OR4K1: variants seen among roughly 807,000 people sequenced by gnomAD.
OR4K1 encodes olfactory receptor family 4 subfamily K member 1, also known as olfactory receptor 4K1.
In OR4K1, 16 loss-of-function variants were observed where a neutral mutation model predicts 14.4. The observed-to-expected ratio is 1.11, with a 90% CI of 0.75 to 1.68. OR4K1 has a LOEUF of 1.68. OR4K1 is among the 40% of genes most tolerant of loss of function. OR4K1 has a pLI of 0.00. For synonymous variants in OR4K1, 181 were observed against 133.1 expected, an observed-to-expected ratio of 1.36 and a Z score of -2.48; for missense variants, 548 against 376.9, an observed-to-expected ratio of 1.45 and a Z score of -3.76.
rs768514431 is a variant in OR4K1 at position 19,935,836 on chromosome 14, C to T, written c.170C>T (p.Ser57Phe). ...VIISFDSHLN[S>F]PMYFLLSNLS... is the part of the protein sequence containing the mutation. Reference sequence around the variant, plus strand: ...ATTTCTTTTGACTCCCATTTGAACTCTCCTATGTACTTCTTGCTCAGTAAT... The same window carrying T: ...ATTTCTTTTGACTCCCATTTGAACTTTCCTATGTACTTCTTGCTCAGTAAT... The change falls in exon 2 of 2, where the codon TCT (serine) becomes TTT (phenylalanine). Residue 57 changes from serine to phenylalanine, a missense_variant. Physicochemically the swap from Ser to Phe is radical, Grantham distance 155. Transcript: ENST00000641172. The T allele has an allele frequency of 1.9e-6, 3 of 1,614,118 alleles. No homozygotes were observed. The African/African-American group carries it at 4.0e-5, about 22-fold the overall frequency.
chr14:19,936,090 G>A lies in OR4K1; in HGVS notation c.424G>A (p.Val142Ile), dbSNP rs1181921212. Reference sequence around the variant, plus strand: ...TACAATTATGAACCGGAGGCTCTGTGTAATTTTTGTGTCTATTTCCTGGGC... The same window carrying A: ...TACAATTATGAACCGGAGGCTCTGTATAATTTTTGTGTCTATTTCCTGGGC... ...YSTIMNRRLC[V>I]IFVSISWAVG... is the part of the protein sequence containing the mutation. The change falls in exon 2 of 2, where the codon GTA becomes ATA. Residue 142 changes from valine to isoleucine, a missense_variant. Physicochemically the swap from Val to Ile is conservative, Grantham distance 29 (BLOSUM62 3). Coordinates refer to ENST00000641172, the MANE Select transcript of OR4K1 (RefSeq NM_001004063.3). 2 of 1,614,122 alleles carry A rather than the reference G, an allele frequency of 1.2e-6. No individual in the cohort carries two copies. The highest frequency in any genetic ancestry group is 4.5e-5 in the East Asian group (2 of 44,904).
At chr14:19,932,359 G>T (rs1882204370) in intron 1 of OR4K1, among the ~76,000 whole-genome samples, 1 of 149,716 alleles carries the variant, frequency 6.7e-6, no homozygotes, top group Admixed American at 6.7e-5. Context: ...TCCTCCTCTT[G>T]CTCCTTCTCT....
chr14:19,935,551 T>G (rs1466816390), intron 1 of OR4K1, 97 bp from the exon 2 acceptor site: 1 of 969,862 alleles, frequency 1.0e-6, no homozygotes, highest in East Asian at 2.4e-5. Context: ...AAATTGACTA[T>G]TTCTTTTGTT....
upstream of OR4K1, among the ~76,000 whole-genome samples, chr14:19,930,412 A>C (rs1269086774): frequency 1.3e-5 from 2 of 152,242 alleles, no homozygotes; most frequent in Non-Finnish European, 1.5e-5. Context: ...TTGGGAAAGA[A>C]ATTTATATAG....
At chr14:19,927,969 T>C (rs1287775644), upstream of OR4K1, among the ~76,000 whole-genome samples, 4 of 152,214 alleles carry the variant, frequency 2.6e-5, no homozygotes, top group East Asian at 1.9e-4. Context: ...TAGAGACATA[T>C]CATGGATCCA....
chr14:19,934,426 C>A lies in OR4K1; in HGVS notation c.-19-1222C>A, dbSNP rs541945427. On this transcript the variant is annotated intron_variant, in intron 1 of 1. Transcript: ENST00000641172. ...GAGATTTTGACAAATTCAAGTTTGTCAGGTGTGTATAGAAAGATAAAACAC... is the reference window on the plus strand; with the variant it reads ...GAGATTTTGACAAATTCAAGTTTGTAAGGTGTGTATAGAAAGATAAAACAC... Among the ~76,000 whole-genome samples, 4 of 152,360 alleles carry A rather than the reference C, an allele frequency of 2.6e-5. No individual in the cohort carries two copies. In the East Asian group the frequency reaches 7.7e-4, roughly 29 times the overall value.
At chr14:19,930,098 A>C (rs535277493), upstream of OR4K1, among the ~76,000 whole-genome samples, 1 of 151,972 alleles carries the variant, frequency 6.6e-6, no homozygotes, top group South Asian at 2.1e-4. Context: ...ATTTCATCAC[A>C]CTAAAATATT....
chr14:19,928,387 C>G (rs899312666), upstream of OR4K1, among the ~76,000 whole-genome samples: 1 of 152,156 alleles, frequency 6.6e-6, no homozygotes, highest in African/African-American at 2.4e-5. Context: ...TAGCCAGGAT[C>G]TCTTCAGCTA....
chr14:19,935,580 T>C, intron 1 of OR4K1, 68 bp from the exon 2 acceptor site: 1 of 1,167,356 alleles, frequency 8.6e-7, no homozygotes, highest in Non-Finnish European at 1.2e-6. Flanking sequence ...ACTATATTTC[T>C]TTTGTTTATA....
the OR4K1 span, chr14:19,921,516 C>T: frequency 3.7e-6 from 6 of 1,613,832 alleles, no homozygotes; most frequent in African/African-American, 1.3e-5. Context: ...AATTGTGAAC[C>T]ATTACCTGAG....
intron 1 of OR4K1, among the ~76,000 whole-genome samples, chr14:19,934,254 T>C (rs1454804080): frequency 6.6e-6 from 1 of 152,236 alleles, no homozygotes; most frequent in Non-Finnish European, 1.5e-5. Flanking sequence ...GTTTTCTCTG[T>C]GACCAAGTGG....
the OR4K1 span, chr14:19,921,356 C>T: frequency 1.9e-6 from 3 of 1,614,046 alleles, no homozygotes; most frequent in African/African-American, 4.0e-5. Context: ...TAATATTATT[C>T]TTTGGACCTT....
the OR4K1 span, among the ~76,000 whole-genome samples, chr14:19,925,301 G>C: frequency 6.6e-6 from 1 of 152,042 alleles, no homozygotes; most frequent in Non-Finnish European, 1.5e-5. Context: ...CTTAGCTTTT[G>C]ATCAAGTCAC....
chr14:19,930,820 T>A (rs1686553), upstream of OR4K1: 150,910 of 152,354 alleles, frequency 0.99, 74,733 homozygotes, highest in Middle Eastern at 1. Flanking sequence ...CTAAAGGGTG[T>A]TTTCTTGCTT....
At chr14:19,920,637 G>T in the OR4K1 span, 1 of 1,612,230 alleles carries the variant, frequency 6.2e-7, no homozygotes, top group East Asian at 2.2e-5. Context: ...AGTGGTGTCT[G>T]AATTTGTACT....
chr14:19,931,757 T>C (rs1566501344), intron 1 of OR4K1, among the ~76,000 whole-genome samples: 1 of 152,226 alleles, frequency 6.6e-6, no homozygotes, highest in Non-Finnish European at 1.5e-5. Flanking sequence ...TTTTGGGATC[T>C]GAAAACACTC....
At chr14:19,921,785 T>A in the OR4K1 span, 4 of 523,876 alleles carry the variant, frequency 7.6e-6, no homozygotes, top group Non-Finnish European at 1.3e-5. Flanking sequence ...GTTCTAGAAA[T>A]AAAATATGGG....
At chr14:19,935,341 A>G (rs1230637376) in intron 1 of OR4K1, among the ~76,000 whole-genome samples, 1 of 152,224 alleles carries the variant, frequency 6.6e-6, no homozygotes, top group Non-Finnish European at 1.5e-5. Flanking sequence ...ATTAACATTT[A>G]TACTATTCAT....
At chr14:19,920,795 G>A in the OR4K1 span, 2 of 1,614,094 alleles carry the variant, frequency 1.2e-6, no homozygotes, top group African/African-American at 1.3e-5. Flanking sequence ...ACTTTCTCTT[G>A]GGAAACCTTT....
Sources: allele counts gnomAD v4.1 joint callset (sites outside exome capture counted in the v4.1 genomes callset), GRCh38; gene constraint gnomAD v4.1.1; transcripts MANE v1.5; gene names NCBI Gene and HGNC (gene_info 2026-07-23, HGNC 2026-07-21).